ELAVL2: variants seen among roughly 807,000 people sequenced by gnomAD.
ELAVL2 encodes the protein ELAV like RNA binding protein 2, also known as ELAV-like protein 2.
ELAVL2 carries 4 observed loss-of-function variants against 34.6 expected under a neutral mutation model. The observed-to-expected ratio is 0.12, with a 90% CI of 0.06 to 0.26. The LOEUF (loss-of-function observed/expected upper bound fraction) is 0.26, where lower values mean the gene tolerates loss of function less well. ELAVL2 is among the 10% of genes least tolerant of loss of function. ELAVL2 has a pLI of 1.00. For synonymous variants in ELAVL2, 193 were observed against 154.8 expected, an observed-to-expected ratio of 1.25 and a Z score of -1.83; for missense variants, 432 against 442.8, an observed-to-expected ratio of 0.98 and a Z score of 0.22.
intron 5 of ELAVL2, 74 bp from the exon 6 acceptor site, chr9:23,693,560 C>G: frequency 1.3e-6 from 2 of 1,532,028 alleles, no homozygotes; most frequent in Admixed American, 3.3e-5. Context: ...GGGCTCATTA[C>G]TGCCATCTTC....
intron 4 of ELAVL2, among the ~76,000 whole-genome samples, chr9:23,702,322 T>A (rs1449563998): frequency 6.6e-6 from 1 of 152,172 alleles, no homozygotes; most frequent in Non-Finnish European, 1.5e-5. Flanking sequence ...CAAAGCTTTC[T>A]GACCTCAGCA....
intron 3 of ELAVL2, among the ~76,000 whole-genome samples, chr9:23,716,291 G>C (rs1286504453): frequency 6.6e-6 from 1 of 152,048 alleles, no homozygotes; most frequent in Non-Finnish European, 1.5e-5. Flanking sequence ...TTGTGCACAT[G>C]TACCCTAGAA....
At chr9:23,823,114 A>G (rs1434948228) in intron 1 of ELAVL2, among the ~76,000 whole-genome samples, 8 of 152,230 alleles carry the variant, frequency 5.3e-5, no homozygotes, top group Admixed American at 3.9e-4. Flanking sequence ...AACTGATTCT[A>G]TATCAGCATT....
intron 1 of ELAVL2, among the ~76,000 whole-genome samples, chr9:23,772,574 A>T (rs1266539093): frequency 6.6e-6 from 1 of 150,696 alleles, no homozygotes; most frequent in Non-Finnish European, 1.5e-5. Flanking sequence ...TAAAATGTCA[A>T]CCAACAAGAT....
At chr9:23,693,404 A>C (rs1201105027) in intron 6 of ELAVL2, 44 bp downstream of exon 6, 5 of 1,611,300 alleles carry the variant, frequency 3.1e-6, no homozygotes, top group Non-Finnish European at 4.2e-6. Flanking sequence ...GAAACCAATC[A>C]ACTGTGGAAA....
intron 1 of ELAVL2, among the ~76,000 whole-genome samples, chr9:23,801,531 A>G (rs2061566357): frequency 6.6e-6 from 1 of 152,180 alleles, no homozygotes; most frequent in African/African-American, 2.4e-5. Context: ...ATCCCAGAGT[A>G]TCAATGATCT....
intron 2 of ELAVL2, among the ~76,000 whole-genome samples, chr9:23,752,579 T>C (rs1484585319): frequency 1.3e-5 from 2 of 151,930 alleles, no homozygotes; most frequent in Admixed American, 6.6e-5. Context: ...CTCAGCCTCC[T>C]GAAGAGCTGG....
intron 1 of ELAVL2, among the ~76,000 whole-genome samples, chr9:23,814,468 C>A (rs974051050): frequency 6.6e-6 from 1 of 152,130 alleles, no homozygotes; most frequent in Non-Finnish European, 1.5e-5. Flanking sequence ...GTTCAAATTC[C>A]TTGCGGAGAC....
At chr9:23,720,349 C>G (rs773806753) in intron 3 of ELAVL2, among the ~76,000 whole-genome samples, 1 of 151,406 alleles carries the variant, frequency 6.6e-6, no homozygotes, top group Non-Finnish European at 1.5e-5. Context: ...AATTTTTGTA[C>G]TTTTTAGTAG....
intron 1 of ELAVL2, chr9:23,821,546 A>T (rs983331112): frequency 2.0e-5 from 3 of 152,242 alleles, no homozygotes; most frequent in African/African-American, 7.2e-5. Context: ...CTCGGCGTCC[A>T]AAATGGACCA....
chr9:23,761,913 G>A, intron 2 of ELAVL2, 93 bp downstream of exon 2: 1 of 1,388,258 alleles, frequency 7.2e-7, no homozygotes, highest in Non-Finnish European at 9.6e-7. Flanking sequence ...TAAAATTGCA[G>A]CAGTGAATTA....
intron 1 of ELAVL2, among the ~76,000 whole-genome samples, chr9:23,814,956 T>TAA (rs78626421): frequency 1.3e-5 from 2 of 151,926 alleles, no homozygotes; most frequent in Admixed American, 6.6e-5. Flanking sequence ...GCCTAAAGAA[T>TAA]AAAAAAAGTG....
intron 1 of ELAVL2, among the ~76,000 whole-genome samples, chr9:23,799,048 A>G (rs1399055487): frequency 1.3e-5 from 2 of 152,204 alleles, no homozygotes; most frequent in East Asian, 3.9e-4. Context: ...AAGAACTATT[A>G]AAACCCTTAT....
chr9:23,826,070 TC>T lies in ELAVL2; in HGVS notation c.-281del, dbSNP rs1185937076. 1 of 152,074 alleles carries T rather than the reference TC, an allele frequency of 6.6e-6. No homozygotes were observed. Among genetic ancestry groups the T allele is most frequent in the African/African-American group, 2.4e-5 (1 of 41,388 alleles). 9.4% of individuals were successfully genotyped at this position (152,074 alleles called of 1,614,324 possible). ...GGAGAGACTACCCTCCTATTGCCGT[TC>T]AACTAAACAAAAAGGGGCAAGAAAA... On this transcript the variant is annotated 5_prime_UTR_variant, in exon 1 of 7. Transcript: ENST00000397312.
intron 1 of ELAVL2, among the ~76,000 whole-genome samples, chr9:23,772,965 T>TA (rs1380908097): frequency 6.6e-6 from 1 of 152,184 alleles, no homozygotes. Context: ...AAGACAGCTT[T>TA]CTTTAAAAAC....
intron 1 of ELAVL2, among the ~76,000 whole-genome samples, chr9:23,809,334 T>A (rs2062665059): frequency 6.6e-6 from 1 of 152,156 alleles, no homozygotes; most frequent in South Asian, 2.1e-4. Context: ...AGAGAACATG[T>A]TGGCATGAAG....
chr9:23,826,307 CT>C (rs1223686676), upstream of ELAVL2: 20 of 152,510 alleles, frequency 1.3e-4, no homozygotes, highest in Non-Finnish European at 1.2e-4. Flanking sequence ...TGCCTCCGCA[CT>C]GCCGTGTGTG....
chr9:23,752,935 G>T (rs990350878), intron 2 of ELAVL2, among the ~76,000 whole-genome samples: 2 of 152,252 alleles, frequency 1.3e-5, no homozygotes, highest in Admixed American at 6.5e-5. Flanking sequence ...GGTTTTAACT[G>T]CGAATCTGTT....
chr9:23,815,638 G>T (rs796266036), intron 1 of ELAVL2, among the ~76,000 whole-genome samples: 45 of 152,174 alleles, frequency 3.0e-4, no homozygotes, highest in African/African-American at 1.0e-3. Context: ...CTTGAGATGG[G>T]GAGGGTAAGA....
Sources: allele counts gnomAD v4.1 joint callset (sites outside exome capture counted in the v4.1 genomes callset), GRCh38; gene constraint gnomAD v4.1.1; transcripts MANE v1.5; gene names NCBI Gene and HGNC (gene_info 2026-07-23, HGNC 2026-07-21).